TCP11L2: variants seen among roughly 807,000 people sequenced by gnomAD.
TCP11L2 encodes T-complex protein 11-like protein 2.
In TCP11L2, 39 loss-of-function variants were observed where a neutral mutation model predicts 50.7. That is an observed-to-expected ratio of 0.77 (90% CI 0.60 to 1.01). TCP11L2 has a LOEUF of 1.01. TCP11L2 is among the 50% of genes least tolerant of loss of function. TCP11L2 has a pLI of 0.00. For synonymous variants in TCP11L2, 192 were observed against 219.3 expected (o/e 0.88, Z 1.10); for missense variants, 612 against 614.7 (o/e 1.00, Z 0.05).
At chr12:106,309,664 T>C (rs999620931) in intron 1 of TCP11L2, among the ~76,000 whole-genome samples, 1 of 151,554 alleles carries the variant, frequency 6.6e-6, no homozygotes, top group African/African-American at 2.4e-5. Context: ...CTCTCCTTTC[T>C]TGTGTTTTCT....
chr12:106,336,415 A>G (rs2035922396), intron 8 of TCP11L2, among the ~76,000 whole-genome samples: 5 of 152,178 alleles, frequency 3.3e-5, no homozygotes, highest in Admixed American at 3.3e-4. Context: ...GGTGTTTTCC[A>G]TGACAAGTGC....
intron 9 of TCP11L2, 77 bp from the exon 10 acceptor site, chr12:106,346,209 A>G (rs1191918065): frequency 4.9e-6 from 7 of 1,425,078 alleles, no homozygotes; most frequent in Non-Finnish European, 6.7e-6. Context: ...TCAACCTACT[A>G]CAATTACTTG....
chr12:106,307,933 A>G (rs1233851237), intron 1 of TCP11L2, among the ~76,000 whole-genome samples: 1 of 152,220 alleles, frequency 6.6e-6, no homozygotes, highest in Non-Finnish European at 1.5e-5. Context: ...AACCCTATGA[A>G]TTAGGTATTC....
Position 106,329,602 on chromosome 12 carries a change from T to C in TCP11L2, c.772+5956T>C, listed in dbSNP as rs188448415. 5,312 of 1,361,850 alleles carry C rather than the reference T, an allele frequency of 3.9e-3. 184 individuals carry two copies. In the African/African-American group the frequency reaches 0.07, roughly 18 times the overall value. 84.4% of individuals were successfully genotyped at this position (1,361,850 alleles called of 1,614,324 possible). ...CCAGGAGCTGTGCCCATGAACTCTTTTTTTCCTTTTTAAAGCTCCCCAGGT... is the reference window on the plus strand; with the variant it reads ...CCAGGAGCTGTGCCCATGAACTCTTCTTTTCCTTTTTAAAGCTCCCCAGGT... On this transcript the variant is annotated intron_variant, in intron 6 of 9. Transcript: ENST00000299045.
In TCP11L2 at chr12:106,323,578, C is replaced by G; in HGVS notation, c.704C>G (p.Pro235Arg). 6.2e-7 allele frequency: 1 copy of G among 1,607,604 alleles called. No homozygotes were observed. Among genetic ancestry groups the G allele is most frequent in the Non-Finnish European group, 8.5e-7 (1 of 1,177,068 alleles). ...MANFTIMSLR[P>R]HLQRQLVEYE... is the part of the protein sequence containing the mutation. ...AATTTTACAATTATGAGTCTCAGAC[C>G]GCACCTTCAACGCCAGTTGGTGGAA... is the stretch of plus-strand genomic sequence containing the variant. Residue 235 changes from proline to arginine, a missense_variant, in exon 6 of 10, where the codon CCG (proline) becomes CGG (arginine). Pro to Arg is a moderately radical substitution (Grantham distance 103). Coordinates refer to ENST00000299045, the MANE Select transcript of TCP11L2 (RefSeq NM_152772.3).
chr12:106,318,896 ATT>A (rs1181792658), intron 4 of TCP11L2, among the ~76,000 whole-genome samples: 3 of 85,482 alleles, frequency 3.5e-5, no homozygotes, highest in African/African-American at 1.1e-4. Context: ...ATTTTATTTT[ATT>A]TTTTTTTTTT....
At chr12:106,300,553 A>C (rs2034392779), upstream of TCP11L2, among the ~76,000 whole-genome samples, 1 of 152,088 alleles carries the variant, frequency 6.6e-6, no homozygotes, top group African/African-American at 2.4e-5. Context: ...GATGGTCTCG[A>C]TCTCCTGACC....
intron 1 of TCP11L2, chr12:106,307,360 A>G (rs2034674914): frequency 6.6e-6 from 1 of 152,166 alleles, no homozygotes; most frequent in Admixed American, 6.5e-5. Context: ...ACCAGTGATT[A>G]AATCCTCCAG....
intron 3 of TCP11L2, 92 bp downstream of exon 3, chr12:106,314,585 GA>G: frequency 1.5e-6 from 1 of 657,266 alleles, no homozygotes. Flanking sequence ...GTGAGAGAGA[GA>G]GAGAGAGAGA....
At chr12:106,306,699 C>T (rs1042503836) in intron 1 of TCP11L2, among the ~76,000 whole-genome samples, 8 of 152,118 alleles carry the variant, frequency 5.3e-5, no homozygotes, top group African/African-American at 1.9e-4. Context: ...AGTTGACATC[C>T]GTCAGGCACT....
rs767250556 is a variant in TCP11L2, at chr12:106,335,774, A to T, written c.908A>T (p.Asn303Ile). 6.2e-7 allele frequency: 1 copy of T among 1,614,104 alleles called. No homozygotes were observed. Among genetic ancestry groups the T allele is most frequent in the Non-Finnish European group, 8.5e-7 (1 of 1,180,042 alleles). The change falls in exon 7 of 10, where the codon AAT becomes ATT. Residue 303 changes from asparagine to isoleucine, a missense_variant. Physicochemically the swap from Asn to Ile is moderately radical, Grantham distance 149. Coordinates refer to ENST00000299045, the MANE Select transcript of TCP11L2 (RefSeq NM_152772.3). The part of the protein sequence containing the change: ...PSLSPTLVLN[N>I]SYLKLLQWDY... ...CTGAGCCCTACTTTGGTGCTAAATA[A>T]TAGTTACTTGAAACTGTTACAGTGG... is the stretch of plus-strand genomic sequence containing the variant.
At chr12:106,332,196 A>C (rs1448076100) in intron 6 of TCP11L2, among the ~76,000 whole-genome samples, 2 of 152,210 alleles carry the variant, frequency 1.3e-5, no homozygotes, top group African/African-American at 2.4e-5. Flanking sequence ...AAATTATATA[A>C]ATTTACAATT....
At chr12:106,341,815 A>G (rs2036100841) in intron 9 of TCP11L2, among the ~76,000 whole-genome samples, 1 of 152,188 alleles carries the variant, frequency 6.6e-6, no homozygotes, top group Non-Finnish European at 1.5e-5. Context: ...CTGTTGGCTC[A>G]AACAGTGACC....
At chr12:106,329,776 G>C in intron 6 of TCP11L2, 3 of 995,288 alleles carry the variant, frequency 3.0e-6, no homozygotes, top group Non-Finnish European at 3.6e-6. Flanking sequence ...TTATATTCAC[G>C]ATGATTTCCA....
Position 106,346,853 on chromosome 12 carries a change from A to G in TCP11L2, c.*323A>G, listed in dbSNP as rs2036248995. On this transcript the variant is annotated 3_prime_UTR_variant, in exon 10 of 10. Coordinates refer to ENST00000299045, the MANE Select transcript of TCP11L2 (RefSeq NM_152772.3). ...TTTCTTAACCATTTATATTTGGCTT[A>G]TGACATTTAACCCCTAAGGAGTTGT... 1 of 211,166 alleles carries G rather than the reference A, an allele frequency of 4.7e-6. No homozygotes were observed. Among genetic ancestry groups the G allele is most frequent in the Non-Finnish European group, 9.5e-6 (1 of 105,758 alleles). The allele number at this position is 211,166 out of a possible 1,614,324, so 13.1% of individuals were successfully genotyped here. A position where few individuals can be genotyped will look rare whatever the true frequency, so the allele number is the denominator to read the frequency against.
At chr12:106,305,058 A>G (rs554135209) in intron 1 of TCP11L2, among the ~76,000 whole-genome samples, 80 of 152,168 alleles carry the variant, frequency 5.3e-4, no homozygotes, top group African/African-American at 1.8e-3. Context: ...CAGCACACCA[A>G]ATTTTCTCCA....
intron 2 of TCP11L2, among the ~76,000 whole-genome samples, chr12:106,311,830 C>CTTTT (rs888379355): frequency 2.8e-5 from 4 of 145,196 alleles, no homozygotes. Flanking sequence ...ATGTGTTTGC[C>CTTTT]TTTTTTTTTT....
At chr12:106,329,548 C>G in intron 6 of TCP11L2, 1 of 1,432,914 alleles carries the variant, frequency 7.0e-7, no homozygotes, top group Non-Finnish European at 9.1e-7. Flanking sequence ...AGGCCTGAGC[C>G]CTGCCTCAGA....
chr12:106,299,799 A>G (rs1473007627), upstream of TCP11L2, among the ~76,000 whole-genome samples: 4 of 152,234 alleles, frequency 2.6e-5, no homozygotes, highest in Non-Finnish European at 2.9e-5. Flanking sequence ...ACATTAAATC[A>G]GTACAATATG....
Sources: gnomAD v4.1 joint callset for allele counts (sites outside exome capture counted in the v4.1 genomes callset) on GRCh38, gnomAD v4.1.1 for gene constraint, MANE v1.5 for transcripts, NCBI Gene and HGNC (gene_info 2026-07-23, HGNC 2026-07-21) for gene names.